DDAH1: variants seen among roughly 807,000 people sequenced by gnomAD.
The protein encoded by DDAH1 is dimethylarginine dimethylaminohydrolase 1, also known as N(G),N(G)-dimethylarginine dimethylaminohydrolase 1.
DDAH1 carries 19 observed loss-of-function variants against 28.8 expected under a neutral mutation model. The ratio of observed to expected loss-of-function variants is 0.66; its 90% CI spans 0.46 to 0.97. The LOEUF (loss-of-function observed/expected upper bound fraction) is 0.97, where lower values mean the gene tolerates loss of function less well. DDAH1 is among the 50% of genes least tolerant of loss of function. The pLI is 0.00. For missense variants in DDAH1, 326 were observed against 375.9 expected (o/e 0.87, Z 1.10); for synonymous variants, 153 against 154.4 (o/e 0.99, Z 0.07).
intron 1 of DDAH1, among the ~76,000 whole-genome samples, chr1:85,435,558 G>A (rs967058829): frequency 6.6e-6 from 1 of 152,198 alleles, no homozygotes; most frequent in African/African-American, 2.4e-5. Context: ...TGTAGTATGT[G>A]AGAAGGTAGT....
rs1381901747 is a variant in DDAH1, at chr1:85,320,466, A to G, written c.*986T>C. The G allele has an allele frequency of 6.6e-6, 1 of 152,502 alleles. No homozygotes were observed. Among genetic ancestry groups the G allele is most frequent in the Admixed American group, 6.5e-5 (1 of 15,278 alleles). 9.4% of individuals were successfully genotyped at this position (152,502 alleles called of 1,614,324 possible). A position where few individuals can be genotyped will look rare whatever the true frequency, so the allele number is the denominator to read the frequency against. On this transcript the variant is annotated 3_prime_UTR_variant, in exon 6 of 6. Coordinates refer to ENST00000284031, the MANE Select transcript of DDAH1 (RefSeq NM_012137.4). Reference sequence around the variant, plus strand: ...TGGACTAGGATAACTGCAGGGGTAGAAGACTGGAAATACGGTGAGTCAGGG... The same window carrying G: ...TGGACTAGGATAACTGCAGGGGTAGGAGACTGGAAATACGGTGAGTCAGGG...
At chr1:85,529,444 C>G (rs1214314488) in intron 1 of DDAH1, among the ~76,000 whole-genome samples, 1 of 151,742 alleles carries the variant, frequency 6.6e-6, no homozygotes, top group Non-Finnish European at 1.5e-5. Flanking sequence ...ATTCCCTGGA[C>G]AGCAAAACAG....
At chr1:85,440,922 T>C (rs544003720) in intron 1 of DDAH1, among the ~76,000 whole-genome samples, 37 of 152,192 alleles carry the variant, frequency 2.4e-4, no homozygotes, top group Non-Finnish European at 4.9e-4. Context: ...AAATTAAGAA[T>C]GGTTAAGAGA....
chr1:85,509,227 C>T (rs538668848), intron 1 of DDAH1, among the ~76,000 whole-genome samples: 28 of 152,340 alleles, frequency 1.8e-4, no homozygotes, highest in African/African-American at 6.3e-4. Context: ...CTCCAGCAAA[C>T]TCCAACAGAC....
At chr1:85,537,080 C>A (rs1305741404) in intron 1 of DDAH1, among the ~76,000 whole-genome samples, 1 of 150,774 alleles carries the variant, frequency 6.6e-6, no homozygotes, top group African/African-American at 2.4e-5. Context: ...GTGGCTCATG[C>A]CTGTAATCTC....
At chr1:85,511,023 C>G (rs1657206835) in intron 1 of DDAH1, among the ~76,000 whole-genome samples, 1 of 152,190 alleles carries the variant, frequency 6.6e-6, no homozygotes. Flanking sequence ...ACAGAACTCT[C>G]CACCCCAAAT....
At chr1:85,448,723 T>C (rs756779976) in intron 1 of DDAH1, among the ~76,000 whole-genome samples, 6 of 152,176 alleles carry the variant, frequency 3.9e-5, no homozygotes, top group Non-Finnish European at 8.8e-5. Flanking sequence ...AATTTTTCTT[T>C]TATAAAAAAA....
chr1:85,540,190 C>T, intron 1 of DDAH1, among the ~76,000 whole-genome samples: 1 of 152,078 alleles, frequency 6.6e-6, no homozygotes, highest in East Asian at 1.9e-4. Flanking sequence ...CCATTTTAAA[C>T]TAAGTCAACA....
chr1:85,452,327 G>A (rs1435639927), intron 1 of DDAH1, among the ~76,000 whole-genome samples: 7 of 151,972 alleles, frequency 4.6e-5, no homozygotes, highest in Non-Finnish European at 1.0e-4. Flanking sequence ...CAACAACAAC[G>A]ACATAAATAA....
Position 85,464,744 on chromosome 1 carries a change from T to A in DDAH1, c.302A>T (p.Glu101Val), listed in dbSNP as rs1235708203. Residue 101 changes from glutamate to valine, a missense_variant and splice_region_variant, in exon 1 of 6, where the codon GAG becomes GTG. Coordinates refer to ENST00000284031, the MANE Select transcript of DDAH1 (RefSeq NM_012137.4). This position sits in a 1 kb window ranked among gnomAD's most constrained non-coding sequence, Gnocchi z 4.4. Reference sequence around the variant, plus strand: ...CGCGCCCCTCGAGTCGGCAGTTACCTCCTTCCTCCGGCTCGGCGCCCCGGG... The same window carrying A: ...CGCGCCCCTCGAGTCGGCAGTTACCACCTTCCTCCGGCTCGGCGCCCCGGG... Reference protein sequence around the residue: ...TRPGAPSRRKEVDMMKEALEK... With the variant: ...TRPGAPSRRKVVDMMKEALEK... 5.9e-6 allele frequency: 9 copies of A among 1,532,988 alleles called. No homozygotes were observed. Among genetic ancestry groups the A allele is most frequent in the Non-Finnish European group, 7.9e-6 (9 of 1,146,470 alleles). The allele number at this position is 1,532,988 out of a possible 1,614,324, so 95.0% of individuals were successfully genotyped here.
chr1:85,372,470 C>T (rs939675482), intron 1 of DDAH1, among the ~76,000 whole-genome samples: 10 of 152,026 alleles, frequency 6.6e-5, no homozygotes, highest in African/African-American at 1.5e-4. Flanking sequence ...AGAAACATTC[C>T]GGTCAATATT....
intron 1 of DDAH1, among the ~76,000 whole-genome samples, chr1:85,409,008 T>C (rs1484278218): frequency 1.3e-5 from 2 of 152,238 alleles, no homozygotes; most frequent in African/African-American, 4.8e-5. Context: ...ATTCCCACAG[T>C]AACTGATAGT....
At chr1:85,493,918 C>T (rs1293381105) in intron 2 of DDAH1, 1 of 152,154 alleles carries the variant, frequency 6.6e-6, no homozygotes, top group Non-Finnish European at 1.5e-5. Context: ...TCTAGTAATT[C>T]AAAGTCTAGT....
At chr1:85,330,264 C>G (rs1647678326) in intron 4 of DDAH1, among the ~76,000 whole-genome samples, 1 of 152,214 alleles carries the variant, frequency 6.6e-6, no homozygotes. Context: ...CCTCAAAGAG[C>G]TCAGGCTCCT....
chr1:85,531,886 A>G (rs1478879007), intron 1 of DDAH1, among the ~76,000 whole-genome samples: 1 of 151,144 alleles, frequency 6.6e-6, no homozygotes, highest in South Asian at 2.1e-4. Flanking sequence ...ACACAGCTAG[A>G]AAAAGGCAGG....
intron 1 of DDAH1, among the ~76,000 whole-genome samples, chr1:85,371,864 C>T (rs746719567): frequency 3.9e-5 from 6 of 152,126 alleles, no homozygotes; most frequent in African/African-American, 1.2e-4. Flanking sequence ...ATTGTATTTG[C>T]TAATTTTTCA....
chr1:85,523,411 A>G (rs1233458951), intron 1 of DDAH1, among the ~76,000 whole-genome samples: 11 of 152,218 alleles, frequency 7.2e-5, no homozygotes, highest in South Asian at 6.2e-4. Flanking sequence ...GAGCTCAAGT[A>G]TATTTGAGAC....
At chr1:85,456,150 C>T (rs1173300216) in intron 1 of DDAH1, among the ~76,000 whole-genome samples, 2 of 152,034 alleles carry the variant, frequency 1.3e-5, no homozygotes, top group African/African-American at 2.4e-5. Context: ...AAAATCAAAA[C>T]CAGTGTCTCC....
chr1:85,459,085 G>A (rs1655020332), intron 1 of DDAH1, among the ~76,000 whole-genome samples: 1 of 152,162 alleles, frequency 6.6e-6, no homozygotes, highest in Admixed American at 6.5e-5. Flanking sequence ...TGACACAAAG[G>A]CAGTGGAAGG....
Sources: allele counts gnomAD v4.1 joint callset (sites outside exome capture counted in the v4.1 genomes callset), GRCh38; gene constraint gnomAD v4.1.1; non-coding constraint Gnocchi (gnomAD v3.1); transcripts MANE v1.5; gene names NCBI Gene and HGNC (gene_info 2026-07-23, HGNC 2026-07-21).